PDGFRL: variants seen among roughly 807,000 people sequenced by gnomAD.
PDGFRL encodes platelet derived growth factor receptor like.
A neutral mutation model predicts 37.2 loss-of-function variants in PDGFRL; 46 were observed. The ratio of observed to expected loss-of-function variants is 1.24; its 90% CI spans 0.98 to 1.58. PDGFRL has a LOEUF of 1.58. Ranked by LOEUF, PDGFRL falls within the 40% of genes most tolerant of loss-of-function variation. PDGFRL has a pLI of 0.00. For synonymous variants in PDGFRL, 251 were observed against 184.3 expected, an observed-to-expected ratio of 1.36 and a Z score of -2.93; for missense variants, 692 against 467.6, an observed-to-expected ratio of 1.48 and a Z score of -4.43.
At position 17,580,260 on chromosome 8, in the gene PDGFRL, GAC is replaced by G. The variant is rs371575869; in HGVS notation, c.55+2957_55+2958del. ...AGATCTCTAAGAAGGTAAGGACAGAGACACAATGACGAGGATTCTCTAACCAA... is the reference window on the plus strand; with the variant it reads ...AGATCTCTAAGAAGGTAAGGACAGAGACAATGACGAGGATTCTCTAACCAA... On this transcript the variant is annotated intron_variant, in intron 1 of 5. Transcript: ENST00000251630. 5.0e-3 allele frequency among the ~76,000 whole-genome samples: 761 copies of G among 151,840 alleles called. 10 individuals carry two copies. Among genetic ancestry groups the G allele is most frequent in the South Asian group, 0.015 (74 of 4,814 alleles).
chr8:17,577,322 G>A lies in PDGFRL; in HGVS notation c.55+15G>A, dbSNP rs1803607164. 4 of 1,608,570 alleles carry A rather than the reference G, an allele frequency of 2.5e-6. No individual in the cohort carries two copies. The South Asian group carries it at 3.3e-5, about 13-fold the overall frequency. Reference sequence around the variant, plus strand: ...GCTGGAGGATGGTGAGTGACTCTGGGCGCGGGGCCACCTAGCTTGTGCCCT... The same window carrying A: ...GCTGGAGGATGGTGAGTGACTCTGGACGCGGGGCCACCTAGCTTGTGCCCT... On this transcript the variant is annotated intron_variant, in intron 1 of 5. Transcript: ENST00000251630.
chr8:17,599,070 A>C (rs1804112474), intron 2 of PDGFRL, among the ~76,000 whole-genome samples: 1 of 152,228 alleles, frequency 6.6e-6, no homozygotes, highest in Admixed American at 6.5e-5. Flanking sequence ...TAGAGCCGTT[A>C]GTCCATTGAC....
intron 1 of PDGFRL, among the ~76,000 whole-genome samples, chr8:17,577,547 C>T (rs1803613100): frequency 6.6e-6 from 1 of 151,854 alleles, no homozygotes; most frequent in Non-Finnish European, 1.5e-5. Flanking sequence ...CTTAGGAGCC[C>T]ACCAGGACCT....
At chr8:17,633,280 G>C (rs532906541) in intron 4 of PDGFRL, among the ~76,000 whole-genome samples, 3 of 152,306 alleles carry the variant, frequency 2.0e-5, no homozygotes, top group South Asian at 2.1e-4. Context: ...GCCAGGTGCA[G>C]TGGCTCATAC....
chr8:17,603,185 T>A (rs1311564152), intron 2 of PDGFRL, among the ~76,000 whole-genome samples: 3 of 152,198 alleles, frequency 2.0e-5, no homozygotes, highest in Admixed American at 6.5e-5. Context: ...GGTTTTGCGA[T>A]GTTGGCCAGG....
intron 4 of PDGFRL, among the ~76,000 whole-genome samples, chr8:17,629,534 C>T (rs1170477972): frequency 6.6e-6 from 1 of 152,158 alleles, no homozygotes; most frequent in Non-Finnish European, 1.5e-5. Context: ...CATTCTCTGC[C>T]CTTCTGTTGG....
At chr8:17,605,577 T>C (rs2129681863) in intron 2 of PDGFRL, among the ~76,000 whole-genome samples, 1 of 152,238 alleles carries the variant, frequency 6.6e-6, no homozygotes, top group African/African-American at 2.4e-5. Context: ...GAAAATGAGA[T>C]GAAACGGAGA....
intron 1 of PDGFRL, among the ~76,000 whole-genome samples, chr8:17,587,280 C>G (rs962501107): frequency 2.0e-5 from 3 of 152,112 alleles, no homozygotes; most frequent in African/African-American, 7.2e-5. Flanking sequence ...TGCATAATCT[C>G]CAAAATCAGA....
At chr8:17,633,798 C>T (rs568786369) in intron 4 of PDGFRL, among the ~76,000 whole-genome samples, 1 of 152,240 alleles carries the variant, frequency 6.6e-6, no homozygotes, top group East Asian at 1.9e-4. Context: ...TTCACATGAC[C>T]ACTGATGGAC....
At chr8:17,610,316 T>G (rs1804384067) in intron 2 of PDGFRL, among the ~76,000 whole-genome samples, 1 of 152,146 alleles carries the variant, frequency 6.6e-6, no homozygotes. Context: ...AGATTTATAG[T>G]AAGGGTTGGG....
chr8:17,606,762 A>T (rs1804286371), intron 2 of PDGFRL, among the ~76,000 whole-genome samples: 1 of 152,178 alleles, frequency 6.6e-6, no homozygotes, highest in South Asian at 2.1e-4. Context: ...GGATAGAATG[A>T]GGTCATGCGT....
intron 2 of PDGFRL, among the ~76,000 whole-genome samples, chr8:17,617,407 G>A (rs1012534867): frequency 7.2e-5 from 11 of 152,086 alleles, no homozygotes; most frequent in African/African-American, 1.9e-4. Flanking sequence ...GGTGTTCAGC[G>A]GTTACACAGA....
chr8:17,629,770 C>G (rs1362643880), intron 4 of PDGFRL, among the ~76,000 whole-genome samples: 1 of 152,030 alleles, frequency 6.6e-6, no homozygotes, highest in South Asian at 2.1e-4. Flanking sequence ...TCAACCACAA[C>G]CACTGTGACA....
chr8:17,586,709 T>C (rs2720561), intron 1 of PDGFRL, among the ~76,000 whole-genome samples: 82,305 of 152,030 alleles, frequency 0.54, 23,137 homozygotes, highest in East Asian at 0.74. Context: ...TTCAGCAGTT[T>C]TGACATATTA....
intron 5 of PDGFRL, among the ~76,000 whole-genome samples, chr8:17,636,599 T>C (rs11780563): frequency 0.79 from 119,540 of 151,290 alleles, 48,957 homozygotes; most frequent in Non-Finnish European, 0.91. Context: ...GCTCTGCAGA[T>C]TCTTTTTTGG....
intron 2 of PDGFRL, among the ~76,000 whole-genome samples, chr8:17,612,278 C>T (rs949716155): frequency 5.3e-5 from 8 of 152,200 alleles, no homozygotes; most frequent in African/African-American, 1.7e-4. Context: ...GTATCTGTTT[C>T]ACACTTTATA....
intron 3 of PDGFRL, among the ~76,000 whole-genome samples, chr8:17,625,956 C>A (rs537687298): frequency 6.6e-6 from 1 of 152,194 alleles, no homozygotes; most frequent in African/African-American, 2.4e-5. Context: ...GATGGTGCCA[C>A]TGCACTCCAG....
chr8:17,621,113 G>C lies in PDGFRL; in HGVS notation c.416G>C (p.Gly139Ala). Residue 139 changes from glycine (G) to alanine (A), a missense_variant, in exon 3 of 6, where the codon GGT becomes GCT. Physicochemically the swap from Gly to Ala is moderately conservative, Grantham distance 60. Coordinates refer to ENST00000251630, the MANE Select transcript of PDGFRL (RefSeq NM_001372073.1). Reference sequence around the variant, plus strand: ...GTCAACTCCACCTCGGCAGACACAGGTGAATTCAGCTGCTGGGTGCAGCTC... The same window carrying C: ...GTCAACTCCACCTCGGCAGACACAGCTGAATTCAGCTGCTGGGTGCAGCTC... Reference protein sequence around the residue: ...TLVNSTSADTGEFSCWVQLCS... With the variant: ...TLVNSTSADTAEFSCWVQLCS... The C allele has an allele frequency of 1.2e-6, 2 of 1,612,480 alleles. No individual in the cohort carries two copies. Among genetic ancestry groups the C allele is most frequent in the Non-Finnish European group, 1.7e-6 (2 of 1,178,892 alleles).
intron 2 of PDGFRL, among the ~76,000 whole-genome samples, chr8:17,613,399 C>A (rs916632786): frequency 5.3e-5 from 8 of 152,058 alleles, no homozygotes; most frequent in African/African-American, 1.9e-4. Flanking sequence ...GAATGATGAC[C>A]CCAGCAGGTG....
Sources: allele counts gnomAD v4.1 joint callset (sites outside exome capture counted in the v4.1 genomes callset), GRCh38; gene constraint gnomAD v4.1.1; transcripts MANE v1.5; gene names NCBI Gene and HGNC (gene_info 2026-07-23, HGNC 2026-07-21).